The following RBFOX1 variants were observed in gnomAD, a reference collection of about 807,000 sequenced individuals.
The protein encoded by RBFOX1 is RNA binding protein fox-1 homolog 1.
RBFOX1 carries 8 observed loss-of-function variants against 57.7 expected under a neutral mutation model. That is an observed-to-expected ratio of 0.14 (90% CI 0.08 to 0.25). RBFOX1 has a LOEUF of 0.25. Ranked by LOEUF, RBFOX1 falls within the 10% of genes least tolerant of loss-of-function variation. The pLI, the probability that RBFOX1 is intolerant of heterozygous loss-of-function variation, is 1.00. For synonymous variants in RBFOX1, 326 were observed against 222.4 expected (o/e 1.47, Z -4.15); for missense variants, 611 against 548.5 (o/e 1.11, Z -1.14).
chr16:7,700,326 G>C (rs764778129), intron 14 of RBFOX1, among the ~76,000 whole-genome samples: 5 of 152,084 alleles, frequency 3.3e-5, no homozygotes, highest in African/African-American at 9.7e-5. Context: ...AGCCTTGTAC[G>C]ATGAGGATGC....
In RBFOX1 at chr16:6,537,784, C is replaced by G. The variant is rs534187312; in HGVS notation, c.-63-116819C>G. On this transcript the variant is annotated intron_variant, in intron 2 of 15. Transcript: ENST00000550418. ...TCCAACTGAAGACCACCAAATAGTGCTCACTGGTAGCTGAAATTCAGGAAA... is the reference window on the plus strand; with the variant it reads ...TCCAACTGAAGACCACCAAATAGTGGTCACTGGTAGCTGAAATTCAGGAAA... 2.3e-3 allele frequency among the ~76,000 whole-genome samples: 343 copies of G among 152,216 alleles called. 2 individuals are homozygous for G. The highest frequency in any genetic ancestry group is 2.8e-3 in the Non-Finnish European group (191 of 68,030).
chr16:6,214,637 G>GAA (rs2097321004), intron 1 of RBFOX1, among the ~76,000 whole-genome samples: 2 of 129,040 alleles, frequency 1.5e-5, no homozygotes, highest in African/African-American at 3.0e-5. Context: ...GACAGGGAGA[G>GAA]GGAGAGGGAC....
At chr16:6,865,345 T>C (rs2059740219) in intron 3 of RBFOX1, among the ~76,000 whole-genome samples, 1 of 152,142 alleles carries the variant, frequency 6.6e-6, no homozygotes, top group Non-Finnish European at 1.5e-5. Flanking sequence ...ACTTGAATAA[T>C]ATGTGTTCAT....
chr16:7,240,627 T>C (rs1449485146), intron 4 of RBFOX1, among the ~76,000 whole-genome samples: 1 of 152,170 alleles, frequency 6.6e-6, no homozygotes, highest in Non-Finnish European at 1.5e-5. Flanking sequence ...TGATCACAGC[T>C]CACTGCAGCC....
At chr16:7,410,261 A>G (rs1326816305) in intron 4 of RBFOX1, among the ~76,000 whole-genome samples, 2 of 152,240 alleles carry the variant, frequency 1.3e-5, no homozygotes, top group African/African-American at 4.8e-5. Flanking sequence ...TCCTTAGACC[A>G]ACACAGCCAC....
intron 1 of RBFOX1, among the ~76,000 whole-genome samples, chr16:6,224,838 T>G (rs1598526206): frequency 6.6e-6 from 1 of 152,038 alleles, no homozygotes; most frequent in East Asian, 2.0e-4. Flanking sequence ...CTGACCAACA[T>G]GGGAAACCCC....
chr16:5,304,751 G>C (rs1389013329), intron 1 of RBFOX1, among the ~76,000 whole-genome samples: 1 of 152,168 alleles, frequency 6.6e-6, no homozygotes, highest in Non-Finnish European at 1.5e-5. Flanking sequence ...GGTCATGAGA[G>C]CGATGAAGGA....
chr16:6,485,820 A>C (rs929583861), intron 2 of RBFOX1, among the ~76,000 whole-genome samples: 4 of 152,118 alleles, frequency 2.6e-5, no homozygotes, highest in African/African-American at 9.7e-5. Context: ...TTATCCTTCA[A>C]ACTTCTGTTT....
At chr16:7,200,497 T>C (rs2088074237) in intron 4 of RBFOX1, among the ~76,000 whole-genome samples, 1 of 152,202 alleles carries the variant, frequency 6.6e-6, no homozygotes, top group Non-Finnish European at 1.5e-5. Flanking sequence ...CTAAGGATGA[T>C]GTTGCAATAT....
chr16:6,788,483 T>A (rs1195050900), intron 3 of RBFOX1, among the ~76,000 whole-genome samples: 1 of 151,854 alleles, frequency 6.6e-6, no homozygotes, highest in Non-Finnish European at 1.5e-5. Context: ...TTTTATTTTT[T>A]ATTTTTTTGA....
At chr16:7,630,785 C>G (rs2060823187) in intron 11 of RBFOX1, 102 bp downstream of exon 11, 2 of 1,523,190 alleles carry the variant, frequency 1.3e-6, no homozygotes, top group Non-Finnish European at 1.8e-6. Flanking sequence ...GCCCCACCCT[C>G]TCTTGTGGCT....
chr16:6,941,709 A>G (rs2078548709), intron 3 of RBFOX1, among the ~76,000 whole-genome samples: 1 of 152,136 alleles, frequency 6.6e-6, no homozygotes, highest in Admixed American at 6.6e-5. Flanking sequence ...AGGTGGATAG[A>G]CAGAGAGAGA....
intron 1 of RBFOX1, among the ~76,000 whole-genome samples, chr16:6,171,098 A>G (rs2096956782): frequency 6.6e-6 from 1 of 152,184 alleles, no homozygotes. Context: ...TCTTCTGGGT[A>G]TATACCCAGT....
chr16:7,155,098 C>A (rs991778795), intron 4 of RBFOX1, among the ~76,000 whole-genome samples: 5 of 152,112 alleles, frequency 3.3e-5, no homozygotes, highest in Admixed American at 3.3e-4. Flanking sequence ...GCAAACTCTC[C>A]AAAGCCTCTT....
At chr16:6,822,806 G>C (rs1845295863) in intron 3 of RBFOX1, among the ~76,000 whole-genome samples, 2 of 152,186 alleles carry the variant, frequency 1.3e-5, no homozygotes, top group South Asian at 2.1e-4. Context: ...TCTCCAACCA[G>C]GTTAAGCCTT....
chr16:7,707,737 C>G (rs1245055080), intron 14 of RBFOX1, among the ~76,000 whole-genome samples: 5 of 152,172 alleles, frequency 3.3e-5, no homozygotes, highest in Non-Finnish European at 5.9e-5. Context: ...AAAAAGCCAA[C>G]CCACTTGCCT....
intron 3 of RBFOX1, among the ~76,000 whole-genome samples, chr16:5,631,819 T>G (rs1376427596): frequency 6.6e-6 from 1 of 152,200 alleles, no homozygotes; most frequent in East Asian, 1.9e-4. Flanking sequence ...AGATGAGCTT[T>G]TCTCTTACAA....
In RBFOX1 at chr16:6,119,363, A is replaced by C. The variant is rs368122486; in HGVS notation, c.-127+99371A>C. On this transcript the variant is annotated intron_variant, in intron 1 of 15. Transcript: ENST00000550418. Reference sequence around the variant, plus strand: ...AAAAGTGATGTGTCCTTAGCAGATCACAATGGAGGGTCAACGATGTCTTTA... The same window carrying C: ...AAAAGTGATGTGTCCTTAGCAGATCCCAATGGAGGGTCAACGATGTCTTTA... Among the ~76,000 whole-genome samples the C allele has an allele frequency of 3.8e-4, 58 of 152,350 alleles. 1 individual carries two copies. Among genetic ancestry groups the C allele is most frequent in the African/African-American group, 1.3e-3 (54 of 41,588 alleles).
intron 2 of RBFOX1, among the ~76,000 whole-genome samples, chr16:6,508,543 G>GA (rs1455814092): frequency 6.6e-6 from 1 of 152,076 alleles, no homozygotes; most frequent in Non-Finnish European, 1.5e-5. Flanking sequence ...TAGAAAGAGA[G>GA]AAAAAATGAC....
Sources: allele counts gnomAD v4.1 joint callset (sites outside exome capture counted in the v4.1 genomes callset), GRCh38; gene constraint gnomAD v4.1.1; transcripts MANE v1.5; gene names NCBI Gene and HGNC (gene_info 2026-07-23, HGNC 2026-07-21).